The following ERI1 variants were observed in gnomAD, a reference collection of about 807,000 sequenced individuals.
ERI1 encodes 3'-5' exoribonuclease 1.
Under a neutral mutation model 39.7 loss-of-function variants are expected in ERI1, and 39 were observed. The ratio of observed to expected loss-of-function variants is 0.98; its 90% CI spans 0.76 to 1.28. ERI1 has a LOEUF of 1.28. ERI1 is among the 50% of genes most tolerant of loss of function. The pLI, the probability that ERI1 is intolerant of heterozygous loss-of-function variation, is 0.00. For missense variants in ERI1, 581 were observed against 416.9 expected (o/e 1.39, Z -3.43); for synonymous variants, 204 against 149.6 (o/e 1.36, Z -2.65).
intron 3 of ERI1, among the ~76,000 whole-genome samples, chr8:9,079,481 T>C (rs186587151): frequency 6.6e-6 from 1 of 152,354 alleles, no homozygotes; most frequent in Admixed American, 6.5e-5. Context: ...GTTGTGACTC[T>C]CATTTAAAAT....
intron 3 of ERI1, among the ~76,000 whole-genome samples, chr8:9,016,100 ACACT>A (rs1244322265): frequency 6.6e-6 from 1 of 152,206 alleles, no homozygotes; most frequent in East Asian, 1.9e-4. Flanking sequence ...AATCTTTCAC[ACACT>A]CACTTTATCG....
At chr8:9,062,963 T>C (rs1263924522) in intron 3 of ERI1, among the ~76,000 whole-genome samples, 1 of 152,106 alleles carries the variant, frequency 6.6e-6, no homozygotes, top group South Asian at 2.1e-4. Context: ...TGTTTGGAGT[T>C]CTTGTGTGCT....
At position 9,018,407 on chromosome 8, in the gene ERI1, G is replaced by C; in HGVS notation, c.692+1G>C. The C allele has an allele frequency of 2.0e-6, 3 of 1,487,544 alleles. No individual in the cohort carries two copies. The highest frequency in any genetic ancestry group is 2.3e-5 in the South Asian group (2 of 87,372). The allele number at this position is 1,487,544 out of a possible 1,614,324, so 92.1% of individuals were successfully genotyped here. On this transcript the variant is annotated splice_donor_variant, in intron 5 of 6. Coordinates refer to ENST00000250263, the MANE Select transcript of ERI1 (RefSeq NM_153332.4). LOFTEE classifies it high-confidence loss of function. ...ATAAATACTCACTTTTAACAGATGG[G>C]TAAGTATTTAGGAAGATTATTTTTT...
At chr8:9,099,339 T>C (rs1362096895) in intron 3 of ERI1, among the ~76,000 whole-genome samples, 2 of 151,674 alleles carry the variant, frequency 1.3e-5, no homozygotes, top group Non-Finnish European at 2.9e-5. Context: ...CAGTGGCTCA[T>C]GCCTGTAATC....
intron 3 of ERI1, among the ~76,000 whole-genome samples, chr8:9,087,412 A>AT (rs71537860): frequency 0.021 from 1,485 of 69,656 alleles, 33 homozygotes; most frequent in African/African-American, 0.043. Flanking sequence ...ATATGTGGCT[A>AT]TTTTTTTTTT....
At chr8:9,039,453 A>G (rs989419175) in intron 3 of ERI1, among the ~76,000 whole-genome samples, 2 of 152,328 alleles carry the variant, frequency 1.3e-5, no homozygotes, top group East Asian at 1.9e-4. Context: ...AATTTTGAAC[A>G]TACAAAAATC....
rs542539649 is a variant in ERI1, at chr8:9,089,077, G to A, written n.300-27271G>A. ...CTGTGTGATATTTGGCAAGTTATTC[G>A]CCATCACTAAGGCTCGGTTTCCTCA... On this transcript the variant is annotated intron_variant and non_coding_transcript_variant, in intron 3 of 3. Coordinates refer to the ERI1 transcript ENST00000518663. 5.9e-5 allele frequency among the ~76,000 whole-genome samples: 9 copies of A among 152,224 alleles called. No homozygotes were observed. The South Asian group carries it at 1.4e-3, about 25-fold the overall frequency.
chr8:9,018,215 C>A, intron 4 of ERI1, 82 bp from the exon 5 acceptor site: 1 of 701,244 alleles, frequency 1.4e-6, no homozygotes, highest in South Asian at 2.1e-5. Flanking sequence ...GTTTCTTCCC[C>A]TCCAACTTAG....
At chr8:9,076,402 G>C (rs1395463327) in intron 3 of ERI1, among the ~76,000 whole-genome samples, 1 of 152,184 alleles carries the variant, frequency 6.6e-6, no homozygotes, top group African/African-American at 2.4e-5. Context: ...TCATCTGTAA[G>C]TCAAAGCAAA....
At chr8:9,008,178 A>G in intron 2 of ERI1, 30 bp downstream of exon 2, 1 of 1,477,770 alleles carries the variant, frequency 6.8e-7, no homozygotes, top group Non-Finnish European at 9.1e-7. Context: ...AAAATTATAA[A>G]AGTAGTACAT....
chr8:9,094,143 A>T (rs1211715568), intron 3 of ERI1, among the ~76,000 whole-genome samples: 1 of 152,234 alleles, frequency 6.6e-6, no homozygotes, highest in Non-Finnish European at 1.5e-5. Context: ...ATTATCAAAT[A>T]CAAATAGCAG....
At chr8:9,046,647 T>C (rs1329664550) in intron 3 of ERI1, among the ~76,000 whole-genome samples, 1 of 152,180 alleles carries the variant, frequency 6.6e-6, no homozygotes. Context: ...CAAACAACTC[T>C]GGAAATGAGC....
chr8:9,012,195 T>A (rs996966001), intron 3 of ERI1, among the ~76,000 whole-genome samples: 2 of 152,218 alleles, frequency 1.3e-5, no homozygotes, highest in Non-Finnish European at 2.9e-5. Context: ...GTGTGAACTC[T>A]GATCTCTAAG....
intron 3 of ERI1, among the ~76,000 whole-genome samples, chr8:9,015,577 C>T (rs887283024): frequency 4.0e-5 from 6 of 151,848 alleles, no homozygotes; most frequent in African/African-American, 1.5e-4. Context: ...AAAAGATCAG[C>T]CAGGCGTGGT....
rs1482854587 is a variant in ERI1 at position 9,030,167 on chromosome 8, G to C, written c.*133G>C. 1 of 1,189,320 alleles carries C rather than the reference G, an allele frequency of 8.4e-7. No individual in the cohort carries two copies. The highest frequency in any genetic ancestry group is 1.2e-6 in the Non-Finnish European group (1 of 861,734). 73.7% of individuals were successfully genotyped at this position (1,189,320 alleles called of 1,614,324 possible). A position where few individuals can be genotyped will look rare whatever the true frequency, so the allele number is the denominator to read the frequency against. On this transcript the variant is annotated 3_prime_UTR_variant, in exon 7 of 7. Transcript: ENST00000250263. ...TTAAAATCTTATTACAGGTGATAGA[G>C]ATAGATACATGTATGTGAACAGATT...
At chr8:9,046,659 C>G (rs1015385708) in intron 3 of ERI1, among the ~76,000 whole-genome samples, 4 of 152,226 alleles carry the variant, frequency 2.6e-5, no homozygotes, top group African/African-American at 9.6e-5. Flanking sequence ...GAAATGAGCT[C>G]TTGCTCAGGA....
intron 6 of ERI1, among the ~76,000 whole-genome samples, chr8:9,028,380 T>G (rs1797334392): frequency 6.6e-6 from 1 of 152,220 alleles, no homozygotes; most frequent in Non-Finnish European, 1.5e-5. Flanking sequence ...AAGTGCGTTT[T>G]CCAAGTGATA....
chr8:9,068,258 C>T (rs1298890181), intron 3 of ERI1, among the ~76,000 whole-genome samples: 1 of 152,218 alleles, frequency 6.6e-6, no homozygotes, highest in Non-Finnish European at 1.5e-5. Context: ...AACACCTTCC[C>T]TCGCACCTCA....
chr8:9,004,252 A>G, intron 1 of ERI1: 27 of 1,203,020 alleles, frequency 2.2e-5, no homozygotes, highest in Non-Finnish European at 2.8e-5. Context: ...CCACTCTTCC[A>G]CCTGCCTCCC....
Sources: gnomAD v4.1 joint callset for allele counts (sites outside exome capture counted in the v4.1 genomes callset) on GRCh38, gnomAD v4.1.1 for gene constraint, MANE v1.5 for transcripts, NCBI Gene and HGNC (gene_info 2026-07-23, HGNC 2026-07-21) for gene names.